DGKB: variants seen among roughly 807,000 people sequenced by gnomAD.
DGKB encodes 90 kDa diacylglycerol kinase.
Under a neutral mutation model 114.3 loss-of-function variants are expected in DGKB, and 67 were observed. That is an observed-to-expected ratio of 0.59 (90% CI 0.48 to 0.72). The LOEUF (loss-of-function observed/expected upper bound fraction) is 0.72. Ranked by LOEUF, DGKB falls within the 30% of genes least tolerant of loss-of-function variation. The probability of loss-of-function intolerance (pLI) is 0.00; values close to 1 mark genes in which losing one functional copy is unlikely to be tolerated. For synonymous variants in DGKB, 398 were observed against 323.1 expected (o/e 1.23, Z -2.49); for missense variants, 907 against 975.2 (o/e 0.93, Z 0.93).
chr7:14,241,628 T>G (rs1303425401), intron 23 of DGKB, among the ~76,000 whole-genome samples: 1 of 152,082 alleles, frequency 6.6e-6, no homozygotes, highest in Non-Finnish European at 1.5e-5. Flanking sequence ...GGTTTGATTT[T>G]ACCTGAAAGT....
intron 23 of DGKB, among the ~76,000 whole-genome samples, chr7:14,320,639 G>T (rs1038718565): frequency 4.0e-5 from 6 of 151,708 alleles, no homozygotes; most frequent in African/African-American, 7.3e-5. Context: ...GTCCTGTAGG[G>T]TCTGTCCTAT....
At chr7:14,653,137 C>T (rs1156528046) in intron 13 of DGKB, among the ~76,000 whole-genome samples, 3 of 149,818 alleles carry the variant, frequency 2.0e-5, no homozygotes, top group African/African-American at 5.0e-5. Flanking sequence ...CCATTTGACC[C>T]AGCCATCCCA....
intron 9 of DGKB, 80 bp downstream of exon 9, chr7:14,693,995 C>G (rs1014652900): frequency 2.0e-6 from 3 of 1,490,956 alleles, no homozygotes; most frequent in Admixed American, 4.3e-5. Flanking sequence ...AAAATGGTCA[C>G]ATCAATCTGT....
At chr7:14,687,752 C>T (rs1347167359) in intron 9 of DGKB, among the ~76,000 whole-genome samples, 2 of 152,056 alleles carry the variant, frequency 1.3e-5, no homozygotes, top group East Asian at 1.9e-4. Flanking sequence ...TAATTCTTGT[C>T]GTTTTATTTT....
chr7:14,277,633 A>G lies in DGKB; in HGVS notation c.2122+60882T>C, dbSNP rs535400548. Among the ~76,000 whole-genome samples, 8 of 152,348 alleles carry G rather than the reference A, an allele frequency of 5.3e-5. No individual in the cohort carries two copies. The East Asian group carries it at 1.2e-3, about 22-fold the overall frequency. On this transcript the variant is annotated intron_variant, in intron 23 of 25. Coordinates refer to ENST00000402815, the MANE Select transcript of DGKB (RefSeq NM_001350709.2). ...AAGGCTGAATAGTATTTTATTGTAT[A>G]CATTTACAACATTTTCTTTATCCAT...
chr7:14,774,178 T>A (rs1443902805), intron 2 of DGKB, among the ~76,000 whole-genome samples: 3 of 152,238 alleles, frequency 2.0e-5, no homozygotes, highest in Non-Finnish European at 4.4e-5. Context: ...TAGGCATTGT[T>A]GTTTCTCTAA....
chr7:14,685,651 G>A (rs1361565652), intron 9 of DGKB, among the ~76,000 whole-genome samples: 1 of 152,180 alleles, frequency 6.6e-6, no homozygotes, highest in Non-Finnish European at 1.5e-5. Context: ...ATGGATCAGG[G>A]ACGTGATTGC....
rs56032330 is a variant in DGKB, at chr7:14,923,983, C to CAAAAA, written c.-188+50708_-188+50712dup. 1.8e-4 allele frequency among the ~76,000 whole-genome samples: 14 copies of CAAAAA among 76,156 alleles called. 1 individual carries two copies. Among genetic ancestry groups the CAAAAA allele is most frequent in the African/African-American group, 8.8e-4 (12 of 13,700 alleles). The allele number at this position is 76,156 out of a possible 152,430, so 50.0% of individuals were successfully genotyped here. ...TGGGCAACACAGTGAAGCTCCATCTCAAAAAAAAAAAAAAAAAAAAAGCTT... is the reference window on the plus strand; with the variant it reads ...TGGGCAACACAGTGAAGCTCCATCTCAAAAAAAAAAAAAAAAAAAAAAAAAAGCTT... On this transcript the variant is annotated intron_variant, in intron 1 of 4. Coordinates refer to the DGKB transcript ENST00000437998.
intron 21 of DGKB, among the ~76,000 whole-genome samples, chr7:14,399,860 G>GT (rs1188876474): frequency 1.3e-4 from 19 of 151,494 alleles, no homozygotes; most frequent in Admixed American, 3.3e-4. Flanking sequence ...CAAAATGAAA[G>GT]TTTTTTTTAA....
At chr7:14,847,186 G>C (rs1442389036) in intron 1 of DGKB, among the ~76,000 whole-genome samples, 3 of 151,608 alleles carry the variant, frequency 2.0e-5, no homozygotes, top group Non-Finnish European at 4.4e-5. Flanking sequence ...AGCTACTCGG[G>C]AGGCTGAGGC....
chr7:14,165,886 C>T (rs1784549454), intron 25 of DGKB, among the ~76,000 whole-genome samples: 1 of 152,154 alleles, frequency 6.6e-6, no homozygotes, highest in Admixed American at 6.6e-5. Flanking sequence ...TGTTTTACAC[C>T]TGTGCTCCTT....
intron 2 of DGKB, among the ~76,000 whole-genome samples, chr7:14,798,036 C>G (rs1012120633): frequency 6.6e-6 from 1 of 152,096 alleles, no homozygotes; most frequent in African/African-American, 2.4e-5. Context: ...GCCGAGTCCA[C>G]AGTTAAATGG....
At chr7:14,187,727 C>G (rs1027074853) in intron 23 of DGKB, among the ~76,000 whole-genome samples, 9 of 152,220 alleles carry the variant, frequency 5.9e-5, no homozygotes, top group African/African-American at 2.2e-4. Flanking sequence ...ACAAAAGCTA[C>G]TCCATAATGT....
intron 23 of DGKB, among the ~76,000 whole-genome samples, chr7:14,296,484 T>G (rs143886882): frequency 6.6e-6 from 1 of 152,334 alleles, no homozygotes; most frequent in African/African-American, 2.4e-5. Flanking sequence ...TCTGTCTTTA[T>G]AGTAGAACGA....
chr7:14,596,255 G>A (rs1268622677), intron 17 of DGKB, among the ~76,000 whole-genome samples: 1 of 152,100 alleles, frequency 6.6e-6, no homozygotes, highest in Non-Finnish European at 1.5e-5. Flanking sequence ...ATTGTTAACT[G>A]TATTCCTGGA....
chr7:14,941,084 G>T (rs1397136446), intron 1 of DGKB, among the ~76,000 whole-genome samples: 2 of 151,894 alleles, frequency 1.3e-5, no homozygotes, highest in Non-Finnish European at 2.9e-5. Context: ...GAGGAAGACA[G>T]AGTTATATTT....
At chr7:14,175,782 G>T (rs893728086) in intron 25 of DGKB, among the ~76,000 whole-genome samples, 2 of 151,830 alleles carry the variant, frequency 1.3e-5, no homozygotes, top group Admixed American at 6.6e-5. Flanking sequence ...AATTCTAGAA[G>T]CTTTGGTCAC....
At chr7:14,693,960 G>C in intron 9 of DGKB, 115 bp downstream of exon 9, 1 of 1,200,862 alleles carries the variant, frequency 8.3e-7, no homozygotes, top group Non-Finnish European at 1.1e-6. Context: ...AAAGTTCCAG[G>C]CACTCACTGC....
At chr7:14,242,742 A>C (rs1793861592) in intron 23 of DGKB, among the ~76,000 whole-genome samples, 1 of 152,144 alleles carries the variant, frequency 6.6e-6, no homozygotes, top group South Asian at 2.1e-4. Context: ...TCTTAAATTC[A>C]CCTATACCCT....
Sources: gnomAD v4.1 joint callset for allele counts (sites outside exome capture counted in the v4.1 genomes callset) on GRCh38, gnomAD v4.1.1 for gene constraint, MANE v1.5 for transcripts, NCBI Gene and HGNC (gene_info 2026-07-23, HGNC 2026-07-21) for gene names.